Variants in CADM2 observed in about 807,000 individuals in gnomAD.
CADM2 encodes immunoglobulin superfamily member 4D.
CADM2 carries 12 observed loss-of-function variants against 49.8 expected under a neutral mutation model. The ratio of observed to expected loss-of-function variants is 0.24; its 90% confidence interval spans 0.15 to 0.39. The LOEUF is 0.39. Among genes scored for constraint, CADM2 ranks in the 10% least tolerant of loss-of-function variants. The pLI is 1.00. For missense variants in CADM2, 378 were observed against 492.3 expected, an observed-to-expected ratio of 0.77 and a Z score of 2.20; for synonymous variants, 214 against 175.4, an observed-to-expected ratio of 1.22 and a Z score of -1.74.
At chr3:85,360,370 T>TA (rs1253722937) in intron 1 of CADM2, among the ~76,000 whole-genome samples, 1 of 152,118 alleles carries the variant, frequency 6.6e-6, no homozygotes, top group Non-Finnish European at 1.5e-5. Context: ...AATCAACATT[T>TA]AAAAATAGCT....
At chr3:85,449,088 T>TA in intron 1 of CADM2, among the ~76,000 whole-genome samples, 1 of 148,782 alleles carries the variant, frequency 6.7e-6, no homozygotes, top group Non-Finnish European at 1.5e-5. Flanking sequence ...ATAAAAATTA[T>TA]ATAATTCATT....
At chr3:85,682,723 C>T (rs536142641) in intron 1 of CADM2, among the ~76,000 whole-genome samples, 6 of 152,004 alleles carry the variant, frequency 3.9e-5, no homozygotes, top group African/African-American at 1.2e-4. Flanking sequence ...CCAAAGCTTT[C>T]TTTTCAAGAA....
chr3:85,459,307 C>T (rs1265070983), intron 1 of CADM2, among the ~76,000 whole-genome samples: 1 of 152,170 alleles, frequency 6.6e-6, no homozygotes, highest in South Asian at 2.1e-4. Flanking sequence ...TTTCTCTCTC[C>T]TTTTGACAGG....
chr3:85,973,822 G>A (rs1726453014), intron 8 of CADM2, among the ~76,000 whole-genome samples: 1 of 151,686 alleles, frequency 6.6e-6, no homozygotes, highest in South Asian at 2.1e-4. Flanking sequence ...ATGGGGATTT[G>A]GGTGGGACAA....
intron 1 of CADM2, among the ~76,000 whole-genome samples, chr3:85,159,833 A>G (rs768090332): frequency 6.6e-6 from 1 of 152,176 alleles, no homozygotes; most frequent in African/African-American, 2.4e-5. Flanking sequence ...AAATTTCTAT[A>G]TAAATAATGA....
chr3:85,424,414 TC>T (rs1214806130), intron 1 of CADM2, among the ~76,000 whole-genome samples: 1 of 151,972 alleles, frequency 6.6e-6, no homozygotes, highest in African/African-American at 2.4e-5. Context: ...CTCTTTAATG[TC>T]CCCACCTTCC....
chr3:85,720,627 T>G (rs909041285), intron 1 of CADM2, among the ~76,000 whole-genome samples: 1 of 152,200 alleles, frequency 6.6e-6, no homozygotes, highest in African/African-American at 2.4e-5. Context: ...AAATTCTCAC[T>G]TTTTCAAGTC....
At chr3:85,876,885 G>A (rs1007436690) in intron 3 of CADM2, among the ~76,000 whole-genome samples, 1 of 152,082 alleles carries the variant, frequency 6.6e-6, no homozygotes, top group Non-Finnish European at 1.5e-5. Context: ...CATAAAATGT[G>A]TCTGAAATCC....
At chr3:85,854,637 G>T (rs763303685) in intron 3 of CADM2, among the ~76,000 whole-genome samples, 2 of 152,038 alleles carry the variant, frequency 1.3e-5, no homozygotes, top group Admixed American at 6.6e-5. Flanking sequence ...CAGGGGTTGG[G>T]GGTCAAGGGG....
chr3:85,629,074 G>T (rs1480733173), intron 1 of CADM2, among the ~76,000 whole-genome samples: 1 of 151,558 alleles, frequency 6.6e-6, no homozygotes, highest in African/African-American at 2.4e-5. Flanking sequence ...TAGTTAACCC[G>T]CTTTCATGTA....
chr3:85,678,297 T>G (rs997827047), intron 1 of CADM2, among the ~76,000 whole-genome samples: 1 of 152,140 alleles, frequency 6.6e-6, no homozygotes, highest in Non-Finnish European at 1.5e-5. Context: ...AGGAGATTGA[T>G]AAGGCCATCT....
intron 1 of CADM2, among the ~76,000 whole-genome samples, chr3:85,602,414 G>T (rs1027109616): frequency 6.6e-6 from 1 of 151,754 alleles, no homozygotes. Flanking sequence ...GAGAAAAATG[G>T]AAAAGATTAC....
chr3:85,360,649 T>G (rs529725282), intron 1 of CADM2, among the ~76,000 whole-genome samples: 2 of 152,238 alleles, frequency 1.3e-5, no homozygotes, highest in Non-Finnish European at 2.9e-5. Flanking sequence ...ACAAATTCAA[T>G]GAATCAAATT....
At chr3:85,672,673 A>C (rs2065776396) in intron 1 of CADM2, among the ~76,000 whole-genome samples, 1 of 152,172 alleles carries the variant, frequency 6.6e-6, no homozygotes, top group Non-Finnish European at 1.5e-5. Flanking sequence ...GAAAACATTC[A>C]GTTTGCCACC....
intron 1 of CADM2, among the ~76,000 whole-genome samples, chr3:85,426,831 C>A (rs1224811763): frequency 6.6e-6 from 1 of 151,928 alleles, no homozygotes; most frequent in Non-Finnish European, 1.5e-5. Flanking sequence ...ATAGCTCCCC[C>A]AAAGAAAGAC....
intron 2 of CADM2, among the ~76,000 whole-genome samples, chr3:85,737,838 G>A (rs536295916): frequency 1.3e-5 from 2 of 152,272 alleles, no homozygotes; most frequent in African/African-American, 4.8e-5. Flanking sequence ...GGTTACAGGC[G>A]TGAGCCACTG....
At chr3:85,281,726 A>G (rs1254774234) in intron 1 of CADM2, among the ~76,000 whole-genome samples, 1 of 152,134 alleles carries the variant, frequency 6.6e-6, no homozygotes, top group Admixed American at 6.6e-5. Context: ...AGAAAAATCA[A>G]CAGGACTTCT....
intron 1 of CADM2, among the ~76,000 whole-genome samples, chr3:85,484,205 T>C (rs1559863161): frequency 6.6e-6 from 1 of 151,894 alleles, no homozygotes; most frequent in East Asian, 1.9e-4. Context: ...TTTGAATGAA[T>C]TCTTAGATAT....
intron 2 of CADM2, among the ~76,000 whole-genome samples, chr3:85,756,780 G>GT (rs1200676792): frequency 1.3e-5 from 2 of 152,070 alleles, no homozygotes; most frequent in Non-Finnish European, 2.9e-5. Context: ...GTATCGAATA[G>GT]TTTTTTGTGT....
Sources: allele counts gnomAD v4.1 joint callset (sites outside exome capture counted in the v4.1 genomes callset), GRCh38; gene constraint gnomAD v4.1.1; transcripts MANE v1.5; gene names NCBI Gene and HGNC (gene_info 2026-07-23, HGNC 2026-07-21).